The following CADM2 variants were observed in gnomAD, a reference collection of about 807,000 sequenced individuals.
CADM2 encodes the protein cell adhesion molecule 2.
A neutral mutation model predicts 49.8 loss-of-function variants in CADM2; 12 were observed. That is an observed-to-expected ratio of 0.24 (90% confidence interval 0.15 to 0.39). CADM2 has a LOEUF of 0.39. Among genes scored for constraint, CADM2 ranks in the 10% least tolerant of loss-of-function variants. The pLI is 1.00. For missense variants in CADM2, 378 were observed against 492.3 expected, an observed-to-expected ratio of 0.77 and a Z score of 2.20; for synonymous variants, 214 against 175.4, an observed-to-expected ratio of 1.22 and a Z score of -1.74.
intron 1 of CADM2, among the ~76,000 whole-genome samples, chr3:85,303,728 A>G (rs62253077): frequency 0.033 from 5,079 of 152,018 alleles, 134 homozygotes; most frequent in Non-Finnish European, 0.053. Flanking sequence ...CTTTTTTAAG[A>G]TAAGTAGTGG....
Position 85,027,109 on chromosome 3 carries a change from CTTTTTTT to C in CADM2, c.61+67458_61+67464del, listed in dbSNP as rs1160735135. Among the ~76,000 whole-genome samples, 20 of 55,688 alleles carry C rather than the reference CTTTTTTT, an allele frequency of 3.6e-4. 1 individual carries two copies. Among genetic ancestry groups the C allele is most frequent in the African/African-American group, 1.3e-3 (13 of 10,268 alleles). The allele number at this position is 55,688 out of a possible 152,430, so 36.5% of individuals were successfully genotyped here. On this transcript the variant is annotated intron_variant, in intron 1 of 9. Coordinates refer to ENST00000383699, the MANE Select transcript of CADM2 (RefSeq NM_001167675.2). ...TGGTTGTTGTTGCTTTTTCTTTTTC[CTTTTTTT>C]TTTTTTTTTTTTTTTTAAGACGGAG...
intron 1 of CADM2, among the ~76,000 whole-genome samples, chr3:85,718,877 G>T (rs1385064003): frequency 1.5e-5 from 2 of 134,110 alleles, no homozygotes; most frequent in African/African-American, 2.8e-5. Context: ...GGAAATTAAT[G>T]GTATTTTATT....
chr3:85,078,295 A>G lies in CADM2; in HGVS notation c.61+118627A>G, dbSNP rs762287195. On this transcript the variant is annotated intron_variant, in intron 1 of 9. Coordinates refer to ENST00000383699, the MANE Select transcript of CADM2 (RefSeq NM_001167675.2). ...AGTAACATGTCCTTTGTGTTCCTGG[A>G]CATCTCAGAAAACAAATCATATTGA... Among the ~76,000 whole-genome samples, 67 of 152,108 alleles carry G rather than the reference A, an allele frequency of 4.4e-4. 1 individual carries two copies. The highest frequency in any genetic ancestry group is 9.3e-4 in the Non-Finnish European group (63 of 67,878).
chr3:85,070,210 C>T (rs558532614), intron 1 of CADM2, among the ~76,000 whole-genome samples: 2 of 151,966 alleles, frequency 1.3e-5, no homozygotes, highest in Non-Finnish European at 2.9e-5. Context: ...AAGAGATGCC[C>T]TTTATCTCAA....
chr3:85,483,610 T>C (rs2039301382), intron 1 of CADM2, among the ~76,000 whole-genome samples: 1 of 150,460 alleles, frequency 6.6e-6, no homozygotes, highest in South Asian at 2.1e-4. Context: ...GCAAATACTA[T>C]ATAATGAGTA....
intron 1 of CADM2, among the ~76,000 whole-genome samples, chr3:85,022,628 T>C (rs1319035773): frequency 2.0e-5 from 3 of 152,164 alleles, no homozygotes; most frequent in African/African-American, 7.2e-5. Context: ...ATGCCTATTA[T>C]ATATACCGCT....
At chr3:85,360,802 CTTA>C in intron 1 of CADM2, among the ~76,000 whole-genome samples, 1 of 152,236 alleles carries the variant, frequency 6.6e-6, no homozygotes, top group South Asian at 2.1e-4. Flanking sequence ...AACTGGTGTT[CTTA>C]ATTCTGAACT....
At chr3:85,158,923 TGAGA>T (rs979567857) in intron 1 of CADM2, among the ~76,000 whole-genome samples, 6 of 151,902 alleles carry the variant, frequency 3.9e-5, no homozygotes, top group South Asian at 2.1e-4. Flanking sequence ...ATTGTGTGTG[TGAGA>T]GAGAAAGATA....
chr3:85,469,514 A>G (rs1377108971), intron 1 of CADM2, among the ~76,000 whole-genome samples: 1 of 152,174 alleles, frequency 6.6e-6, no homozygotes, highest in Non-Finnish European at 1.5e-5. Context: ...TTATTCAAAG[A>G]GCACCAAATA....
At chr3:85,093,573 A>T (rs562867602) in intron 1 of CADM2, among the ~76,000 whole-genome samples, 2 of 152,280 alleles carry the variant, frequency 1.3e-5, no homozygotes, top group African/African-American at 4.8e-5. Context: ...ATAAATTTAT[A>T]TGAGATTTGT....
intron 1 of CADM2, among the ~76,000 whole-genome samples, chr3:85,635,717 C>G (rs1576985485): frequency 6.6e-6 from 1 of 152,070 alleles, no homozygotes; most frequent in Admixed American, 6.5e-5. Flanking sequence ...ATAATATATA[C>G]ACTAATTTAT....
intron 1 of CADM2, among the ~76,000 whole-genome samples, chr3:85,685,242 G>A (rs1449608678): frequency 6.6e-6 from 1 of 152,166 alleles, no homozygotes; most frequent in East Asian, 1.9e-4. Flanking sequence ...CTAAAAGATA[G>A]GGTAAGTGTG....
intron 1 of CADM2, among the ~76,000 whole-genome samples, chr3:85,203,630 G>A (rs1275106212): frequency 1.3e-5 from 2 of 152,162 alleles, no homozygotes; most frequent in Non-Finnish European, 1.5e-5. Flanking sequence ...TTGAAAAAAA[G>A]CAGTTTGTAG....
intron 7 of CADM2, among the ~76,000 whole-genome samples, chr3:85,959,154 C>CTCTT (rs887735011): frequency 2.7e-5 from 4 of 147,540 alleles, no homozygotes; most frequent in African/African-American, 7.6e-5. Context: ...CTATCTATCT[C>CTCTT]TCTCTCTCTC....
chr3:85,737,968 T>C (rs534155499), intron 2 of CADM2, among the ~76,000 whole-genome samples: 1 of 152,234 alleles, frequency 6.6e-6, no homozygotes, highest in African/African-American at 2.4e-5. Context: ...CTAAGATGGG[T>C]TAATCATCTG....
chr3:85,549,106 T>C (rs1576777395), intron 1 of CADM2, among the ~76,000 whole-genome samples: 1 of 152,178 alleles, frequency 6.6e-6, no homozygotes, highest in East Asian at 1.9e-4. Flanking sequence ...AGTGGAAAGC[T>C]GCAGGAGGAG....
intron 1 of CADM2, among the ~76,000 whole-genome samples, chr3:85,152,615 G>A (rs934316398): frequency 2.4e-4 from 37 of 152,104 alleles, no homozygotes; most frequent in African/African-American, 6.0e-4. Flanking sequence ...TCACCATATA[G>A]TGACTACTTA....
At position 85,557,695 on chromosome 3, in the gene CADM2, G is replaced by A. The variant is rs114922552; in HGVS notation, c.62-168827G>A. ...CACACAAAATTATTCATTTTGTTGC[G>A]GAAAAGCCAATCCTCATTACTTTCA... On this transcript the variant is annotated intron_variant, in intron 1 of 9. Coordinates refer to ENST00000383699, the MANE Select transcript of CADM2 (RefSeq NM_001167675.2). Among the ~76,000 whole-genome samples, 869 of 151,822 alleles carry A rather than the reference G, an allele frequency of 5.7e-3. 8 individuals are homozygous for A. The highest frequency in any genetic ancestry group is 0.02 in the African/African-American group (827 of 41,468).
At chr3:85,126,715 A>G (rs932243866) in intron 1 of CADM2, among the ~76,000 whole-genome samples, 2 of 152,066 alleles carry the variant, frequency 1.3e-5, no homozygotes, top group African/African-American at 2.4e-5. Context: ...ATATTGTGGC[A>G]TATTATAAAG....
Sources: allele counts gnomAD v4.1 joint callset (sites outside exome capture counted in the v4.1 genomes callset), GRCh38; gene constraint gnomAD v4.1.1; transcripts MANE v1.5; gene names NCBI Gene and HGNC (gene_info 2026-07-23, HGNC 2026-07-21).